The following UNC13C variants were observed in gnomAD, a reference collection of about 807,000 sequenced individuals.
UNC13C encodes protein unc-13 homolog C.
Under a neutral mutation model 245.4 loss-of-function variants are expected in UNC13C, and 174 were observed. The ratio of observed to expected loss-of-function variants is 0.71; its 90% CI spans 0.63 to 0.80. UNC13C has a LOEUF of 0.80. Among genes scored for constraint, UNC13C ranks in the 30% least tolerant of loss-of-function variants. The pLI, the probability that UNC13C is intolerant of heterozygous loss-of-function variation, is 0.00. For synonymous variants in UNC13C, 992 were observed against 895.1 expected (o/e 1.11, Z -1.93); for missense variants, 2,829 against 2,602.9 (o/e 1.09, Z -1.89).
the UNC13C span, among the ~76,000 whole-genome samples, chr15:53,889,898 G>A: frequency 3.9e-5 from 6 of 152,212 alleles, no homozygotes; most frequent in Admixed American, 3.9e-4. Flanking sequence ...TCCCAGGGAT[G>A]AAGCCAACTT....
rs1286895723 is a variant in UNC13C at position 54,044,477 on chromosome 15, T to C, written c.2983+28591T>C. 1.9e-5 allele frequency: 5 copies of C among 267,512 alleles called. No homozygotes were observed. The East Asian group carries it at 6.0e-4, about 32-fold the overall frequency. 16.6% of individuals were successfully genotyped at this position (267,512 alleles called of 1,614,324 possible). On this transcript the variant is annotated intron_variant, in intron 2 of 32. Coordinates refer to ENST00000260323, the MANE Select transcript of UNC13C (RefSeq NM_001080534.3). ...GATTACTTGGTTCAGTGGAACTCTTTGTTTAACTGTTTGAAGAATTTCCCA... is the reference window on the plus strand; with the variant it reads ...GATTACTTGGTTCAGTGGAACTCTTCGTTTAACTGTTTGAAGAATTTCCCA...
At chr15:54,357,086 T>A (rs1051415383) in intron 17 of UNC13C, among the ~76,000 whole-genome samples, 3 of 152,102 alleles carry the variant, frequency 2.0e-5, no homozygotes, top group African/African-American at 7.2e-5. Context: ...AGTTTACAGC[T>A]TATAGGTTTT....
chr15:54,141,683 T>C (rs1378144901), intron 2 of UNC13C, among the ~76,000 whole-genome samples: 1 of 152,106 alleles, frequency 6.6e-6, no homozygotes, highest in East Asian at 1.9e-4. Context: ...TTTTCTTGAA[T>C]ATGGTATATT....
intron 24 of UNC13C, among the ~76,000 whole-genome samples, chr15:54,517,472 G>A (rs1293704963): frequency 2.6e-5 from 4 of 152,116 alleles, no homozygotes; most frequent in African/African-American, 4.8e-5. Flanking sequence ...CTTACAAGGT[G>A]TAAGGAACTT....
At chr15:53,918,156 C>G in the UNC13C span, among the ~76,000 whole-genome samples, 1 of 152,098 alleles carries the variant, frequency 6.6e-6, no homozygotes, top group Non-Finnish European at 1.5e-5. Flanking sequence ...CACTTTCAAC[C>G]CTTTCTTCCC....
At chr15:54,423,026 T>A (rs2140962946) in intron 19 of UNC13C, among the ~76,000 whole-genome samples, 1 of 151,666 alleles carries the variant, frequency 6.6e-6, no homozygotes, top group Non-Finnish European at 1.5e-5. Flanking sequence ...ATGATAAAGA[T>A]AACAAATTCT....
chr15:54,459,801 T>C (rs188285612), intron 19 of UNC13C, among the ~76,000 whole-genome samples: 11 of 150,886 alleles, frequency 7.3e-5, no homozygotes, highest in Admixed American at 5.3e-4. Flanking sequence ...TCCATATTCT[T>C]TTTTTTTTAT....
chr15:53,965,565 TA>T, the UNC13C span, among the ~76,000 whole-genome samples: 1 of 126,100 alleles, frequency 7.9e-6, no homozygotes, highest in African/African-American at 3.7e-5. Context: ...TTTATTTATT[TA>T]TTTATTATTA....
chr15:54,151,934 C>A (rs897736040), intron 4 of UNC13C, among the ~76,000 whole-genome samples: 1 of 152,142 alleles, frequency 6.6e-6, no homozygotes, highest in African/African-American at 2.4e-5. Context: ...AGGAAATTTA[C>A]CTTTCCCTGA....
intron 2 of UNC13C, among the ~76,000 whole-genome samples, chr15:54,045,195 T>C (rs967511937): frequency 7.2e-5 from 11 of 152,190 alleles, no homozygotes; most frequent in Non-Finnish European, 1.6e-4. Flanking sequence ...AAGAGTTTTA[T>C]TTAGTTTTCA....
chr15:54,310,480 T>C (rs1483090576), intron 13 of UNC13C, among the ~76,000 whole-genome samples: 1 of 151,796 alleles, frequency 6.6e-6, no homozygotes, highest in Non-Finnish European at 1.5e-5. Context: ...CAAATGCTCA[T>C]GGTGGAGAGA....
intron 25 of UNC13C, among the ~76,000 whole-genome samples, chr15:54,525,974 T>C (rs1596516923): frequency 6.6e-6 from 1 of 152,244 alleles, no homozygotes; most frequent in African/African-American, 2.4e-5. Context: ...GACTGGCTAT[T>C]GAAAGACTAA....
At chr15:54,127,082 T>C (rs1193552216) in intron 2 of UNC13C, among the ~76,000 whole-genome samples, 2 of 152,064 alleles carry the variant, frequency 1.3e-5, no homozygotes, top group African/African-American at 2.4e-5. Context: ...TGTAGAGAAA[T>C]AGGAGTGCTT....
chr15:53,904,979 A>G, the UNC13C span, among the ~76,000 whole-genome samples: 1 of 152,166 alleles, frequency 6.6e-6, no homozygotes, highest in Non-Finnish European at 1.5e-5. Context: ...TCTAAGGAAA[A>G]TAGACATTCC....
chr15:54,395,629 A>T (rs1039078591), intron 18 of UNC13C, among the ~76,000 whole-genome samples: 4 of 151,846 alleles, frequency 2.6e-5, no homozygotes, highest in Non-Finnish European at 5.9e-5. Context: ...ATGATTTTAA[A>T]ACATAGGACA....
At chr15:53,909,792 C>T in the UNC13C span, among the ~76,000 whole-genome samples, 5 of 146,162 alleles carry the variant, frequency 3.4e-5, no homozygotes, top group African/African-American at 9.8e-5. Context: ...TGAACTATTG[C>T]GTTTCATGTT....
intron 4 of UNC13C, among the ~76,000 whole-genome samples, chr15:54,170,405 A>T (rs1438895920): frequency 6.6e-6 from 1 of 152,170 alleles, no homozygotes; most frequent in Non-Finnish European, 1.5e-5. Context: ...ACAAGATCTA[A>T]TACATAAAAA....
chr15:54,094,994 G>T (rs1310867421), intron 2 of UNC13C, among the ~76,000 whole-genome samples: 8 of 152,060 alleles, frequency 5.3e-5, no homozygotes, highest in African/African-American at 1.7e-4. Flanking sequence ...AACCCATTCT[G>T]GTGGCCTCTC....
chr15:54,121,419 T>A (rs981327029), intron 2 of UNC13C, among the ~76,000 whole-genome samples: 4 of 152,262 alleles, frequency 2.6e-5, no homozygotes, highest in East Asian at 1.9e-4. Context: ...AAAAAAAGTG[T>A]GTGACTCACT....
Sources: allele counts gnomAD v4.1 joint callset (sites outside exome capture counted in the v4.1 genomes callset), GRCh38; gene constraint gnomAD v4.1.1; transcripts MANE v1.5; gene names NCBI Gene and HGNC (gene_info 2026-07-23, HGNC 2026-07-21).